PREX2: variants seen among roughly 807,000 people sequenced by gnomAD.
PREX2 encodes the protein phosphatidylinositol 3,4,5-trisphosphate-dependent Rac exchanger 2 protein.
A neutral mutation model predicts 203.2 loss-of-function variants in PREX2; 107 were observed. The ratio of observed to expected loss-of-function variants is 0.53; its 90% CI spans 0.45 to 0.62. The LOEUF (loss-of-function observed/expected upper bound fraction) is 0.62. Among genes scored for constraint, PREX2 ranks in the 20% least tolerant of loss-of-function variants. The pLI is 0.00. For synonymous variants in PREX2, 672 were observed against 663.6 expected (o/e 1.01, Z -0.19); for missense variants, 1,777 against 1,955.9 (o/e 0.91, Z 1.72).
At chr8:68,165,036 G>A (rs1031455269) in intron 35 of PREX2, among the ~76,000 whole-genome samples, 10 of 150,304 alleles carry the variant, frequency 6.7e-5, no homozygotes, top group Non-Finnish European at 1.3e-4. Flanking sequence ...CTAGACCACA[G>A]AGTACAAGGC....
intron 1 of PREX2, among the ~76,000 whole-genome samples, chr8:67,963,555 GT>G (rs1189272330): frequency 6.6e-6 from 1 of 151,722 alleles, no homozygotes; most frequent in Non-Finnish European, 1.5e-5. Context: ...TTTATTTTTT[GT>G]TTTTTCTTTA....
At chr8:68,068,732 C>T (rs1809094478) in intron 11 of PREX2, among the ~76,000 whole-genome samples, 1 of 151,898 alleles carries the variant, frequency 6.6e-6, no homozygotes, top group Admixed American at 6.6e-5. Flanking sequence ...TTGTGTATAC[C>T]TTTATACATA....
At chr8:68,088,165 A>C (rs1809759087) in intron 19 of PREX2, among the ~76,000 whole-genome samples, 1 of 152,120 alleles carries the variant, frequency 6.6e-6, no homozygotes, top group Non-Finnish European at 1.5e-5. Context: ...TTTAGGTTTA[A>C]AGTTGATCTG....
intron 31 of PREX2, among the ~76,000 whole-genome samples, chr8:68,132,919 GA>G (rs1232119845): frequency 3.3e-5 from 5 of 152,170 alleles, no homozygotes; most frequent in Non-Finnish European, 7.4e-5. Context: ...CTTTCCGTTT[GA>G]AAAATCTCTA....
At chr8:67,987,539 T>G (rs1806470871) in intron 1 of PREX2, among the ~76,000 whole-genome samples, 1 of 152,152 alleles carries the variant, frequency 6.6e-6, no homozygotes, top group South Asian at 2.1e-4. Context: ...GCATCCACCA[T>G]TCCTCTCCAG....
At chr8:68,163,169 A>G (rs181048120) in intron 35 of PREX2, among the ~76,000 whole-genome samples, 1 of 152,356 alleles carries the variant, frequency 6.6e-6, no homozygotes, top group East Asian at 1.9e-4. Flanking sequence ...ACACATGTAT[A>G]CACAAAAATA....
intron 31 of PREX2, among the ~76,000 whole-genome samples, chr8:68,131,638 A>G (rs1047748614): frequency 6.6e-6 from 1 of 152,222 alleles, no homozygotes; most frequent in Non-Finnish European, 1.5e-5. Context: ...ATTTTGGCTT[A>G]AATGCAAATA....
chr8:68,176,412 CAGA>C (rs1176034153), intron 35 of PREX2, among the ~76,000 whole-genome samples: 2 of 114,098 alleles, frequency 1.8e-5, no homozygotes, highest in Non-Finnish European at 4.3e-5. Context: ...TGAGAAGACA[CAGA>C]AAGTTAATGA....
At chr8:68,062,572 C>T (rs1378813264) in intron 11 of PREX2, among the ~76,000 whole-genome samples, 1 of 152,136 alleles carries the variant, frequency 6.6e-6, no homozygotes, top group Admixed American at 6.5e-5. Context: ...TTAGCTTTTG[C>T]TCTTCTCATT....
intron 1 of PREX2, among the ~76,000 whole-genome samples, chr8:68,013,591 C>T (rs1405740663): frequency 3.3e-5 from 5 of 152,116 alleles, no homozygotes; most frequent in African/African-American, 4.8e-5. Context: ...TAGGACCAAA[C>T]GAAGCCCTTA....
In PREX2 at chr8:68,090,718, A is replaced by G. The variant is rs908218321; in HGVS notation, c.2250+3A>G. 1 of 1,612,646 alleles carries G rather than the reference A, an allele frequency of 6.2e-7. No individual in the cohort carries two copies. Among genetic ancestry groups the G allele is most frequent in the African/African-American group, 1.3e-5 (1 of 75,024 alleles). ...GGAAGTACAGGCGGCCAACGAAGGT[A>G]AGTGGCCCTTCAGATAATCTGGATC... is the stretch of plus-strand genomic sequence containing the variant. On this transcript the variant is annotated splice_donor_region_variant and intron_variant, in intron 20 of 39. Coordinates refer to ENST00000288368, the MANE Select transcript of PREX2 (RefSeq NM_024870.4).
intron 35 of PREX2, among the ~76,000 whole-genome samples, chr8:68,186,090 G>T (rs1812183436): frequency 8.1e-6 from 1 of 122,858 alleles, no homozygotes; most frequent in African/African-American, 3.3e-5. Flanking sequence ...AGATACTGAA[G>T]TTCTTCAGAT....
intron 14 of PREX2, among the ~76,000 whole-genome samples, 164 bp downstream of exon 14, chr8:68,072,734 T>A (rs369785202): frequency 2.0e-5 from 3 of 152,328 alleles, no homozygotes; most frequent in African/African-American, 7.2e-5. Context: ...AGATGATCAA[T>A]TTTAGAGTCC....
In PREX2 at chr8:68,230,030, A is replaced by G. The variant is rs190960106; in HGVS notation, c.4776-1303A>G. Among the ~76,000 whole-genome samples, 20 of 152,310 alleles carry G rather than the reference A, an allele frequency of 1.3e-4. No homozygotes were observed. The East Asian group carries it at 3.1e-3, about 24-fold the overall frequency. On this transcript the variant is annotated intron_variant, in intron 39 of 39. Transcript: ENST00000288368. ...CTTTATTTCAGTATTCGCCTCTTGC[A>G]TGGAGATAACATGTAGTGCATCAAC...
Position 68,120,945 on chromosome 8 carries a change from A to AAAG in PREX2, c.3620_3621insAAG (p.Lys1207_Leu1208insArg), listed in dbSNP as rs749483741. ...GAATTTCAACAGGAAATGGAACCAA[A>AAAG]GCTGAGTTGTCCAAAAAGGCTACGG... On this transcript the variant is annotated inframe_insertion, in exon 30 of 40. Transcript: ENST00000288368. 4 of 1,613,458 alleles carry AAAG rather than the reference A, an allele frequency of 2.5e-6. No homozygotes were observed. Among genetic ancestry groups the AAAG allele is most frequent in the Non-Finnish European group, 8.5e-7 (1 of 1,179,580 alleles).
At position 68,215,705 on chromosome 8, in the gene PREX2, T is replaced by A. The variant is rs1585870101; in HGVS notation, c.4605-1911T>A. Among the ~76,000 whole-genome samples the A allele has an allele frequency of 5.9e-5, 9 of 152,034 alleles. No individual in the cohort carries two copies. In the South Asian group the frequency reaches 1.9e-3, roughly 32 times the overall value. The stretch of plus-strand genomic sequence containing the variant: ...ACCCACCACCACCACCTGGCTGATT[T>A]TTTTTTTATTTTTAGTAGAGACGAG... On this transcript the variant is annotated intron_variant, in intron 37 of 39. Transcript: ENST00000288368.
chr8:68,022,362 T>C (rs1181692981), intron 4 of PREX2, among the ~76,000 whole-genome samples: 5 of 152,142 alleles, frequency 3.3e-5, no homozygotes, highest in African/African-American at 1.2e-4. Flanking sequence ...TTATGAATTA[T>C]CTGTGAGACC....
chr8:68,204,167 T>C (rs1812563292), intron 37 of PREX2, among the ~76,000 whole-genome samples: 1 of 151,924 alleles, frequency 6.6e-6, no homozygotes, highest in African/African-American at 2.4e-5. Context: ...TGCTGTTTCA[T>C]AGTCATATAC....
In PREX2 at chr8:68,053,392, C is replaced by T. The variant is rs1056527893; in HGVS notation, c.1093+146C>T. 3.7e-6 allele frequency: 3 copies of T among 804,894 alleles called. No homozygotes were observed. In the African/African-American group the frequency reaches 5.3e-5, roughly 14 times the overall value. 49.9% of individuals were successfully genotyped at this position (804,894 alleles called of 1,614,324 possible). On this transcript the variant is annotated intron_variant, in intron 9 of 39. Transcript: ENST00000288368. ...GGTGCAAAAGTTATTGCAGTTTTGA[C>T]ATTGAAAGCAATTACTTCTCCACCA... is the stretch of plus-strand genomic sequence containing the variant.
Sources: gnomAD v4.1 joint callset for allele counts (sites outside exome capture counted in the v4.1 genomes callset) on GRCh38, gnomAD v4.1.1 for gene constraint, MANE v1.5 for transcripts, NCBI Gene and HGNC (gene_info 2026-07-23, HGNC 2026-07-21) for gene names.